Variants in TFDP2 observed in about 807,000 individuals in gnomAD.
TFDP2 encodes the protein transcription factor Dp-2 (E2F dimerization partner 2).
TFDP2 carries 17 observed loss-of-function variants against 59.3 expected under a neutral mutation model. The observed-to-expected ratio is 0.29, with a 90% CI of 0.20 to 0.43. The LOEUF is 0.43. Ranked by LOEUF, TFDP2 falls within the 20% of genes least tolerant of loss-of-function variation. The probability of loss-of-function intolerance (pLI) is 1.00; values close to 1 mark genes in which losing one functional copy is unlikely to be tolerated. For missense variants in TFDP2, 391 were observed against 528.8 expected (o/e 0.74, Z 2.56); for synonymous variants, 180 against 194.7 (o/e 0.92, Z 0.63).
chr3:141,985,726 T>C (rs1489953237), intron 6 of TFDP2, among the ~76,000 whole-genome samples: 1 of 151,904 alleles, frequency 6.6e-6, no homozygotes, highest in East Asian at 1.9e-4. Flanking sequence ...TTTAGATATA[T>C]GACACAAAAG....
intron 3 of TFDP2, among the ~76,000 whole-genome samples, chr3:142,064,023 G>C (rs2059999121): frequency 6.6e-6 from 1 of 152,000 alleles, no homozygotes; most frequent in African/African-American, 2.4e-5. Context: ...GTGCAATCTT[G>C]GGTCACTGCA....
At chr3:142,053,858 T>G (rs1309675573) in intron 3 of TFDP2, among the ~76,000 whole-genome samples, 1 of 151,824 alleles carries the variant, frequency 6.6e-6, no homozygotes, top group Non-Finnish European at 1.5e-5. Context: ...CCAAAGAAAA[T>G]ATGCTGATGG....
intron 9 of TFDP2, 138 bp downstream of exon 9, chr3:141,969,935 C>G (rs916897721): frequency 1.3e-6 from 1 of 785,158 alleles, no homozygotes. Context: ...TGGCAACAAG[C>G]TAGGAGGTGA....
intron 3 of TFDP2, chr3:142,043,886 A>C (rs1434119437): frequency 1.9e-5 from 21 of 1,092,018 alleles, no homozygotes; most frequent in Non-Finnish European, 2.8e-5. Flanking sequence ...TTAGATTCAC[A>C]GTATCTTCTA....
At chr3:142,008,302 C>T (rs987470018) in intron 3 of TFDP2, among the ~76,000 whole-genome samples, 2 of 151,958 alleles carry the variant, frequency 1.3e-5, no homozygotes, top group African/African-American at 2.4e-5. Context: ...CTATAACAAA[C>T]CAGTCTTTCA....
At chr3:142,125,033 CG>C (rs1337841304) in intron 1 of TFDP2, among the ~76,000 whole-genome samples, 1 of 150,332 alleles carries the variant, frequency 6.7e-6, no homozygotes, top group Non-Finnish European at 1.5e-5. Flanking sequence ...CCATCTTTAC[CG>C]AAAAAAAAAA....
chr3:142,136,187 T>G (rs1223307615), intron 1 of TFDP2, among the ~76,000 whole-genome samples: 2 of 152,138 alleles, frequency 1.3e-5, no homozygotes, highest in Non-Finnish European at 2.9e-5. Context: ...GTCTGCTGGC[T>G]GCATAGATGT....
At chr3:142,112,830 T>C (rs191901483) in intron 1 of TFDP2, among the ~76,000 whole-genome samples, 1 of 152,152 alleles carries the variant, frequency 6.6e-6, no homozygotes, top group Non-Finnish European at 1.5e-5. Context: ...CAAAACTGGA[T>C]TGACATGTTC....
chr3:141,972,112 G>GTAAAAGTAAA (rs1329809864), intron 8 of TFDP2, among the ~76,000 whole-genome samples: 1 of 152,086 alleles, frequency 6.6e-6, no homozygotes, highest in Non-Finnish European at 1.5e-5. Flanking sequence ...TATCCACCAC[G>GTAAAAGTAAA]TTTTACTTTT....
rs189989956 is a variant in TFDP2, at chr3:142,121,388, T to C, written c.-92-19547A>G. On this transcript the variant is annotated intron_variant, in intron 1 of 12. Transcript: ENST00000489671. The surrounding 1 kb of genome is among the most constrained non-coding windows in gnomAD (Gnocchi z 4.3). ...GACACTAGACAGATATTCGGGGCAC[T>C]ATGGAAGCACAAAGGAACAGCTTCT... Among the ~76,000 whole-genome samples, 1 of 152,270 alleles carries C rather than the reference T, an allele frequency of 6.6e-6. No homozygotes were observed. Among genetic ancestry groups the C allele is most frequent in the East Asian group, 1.9e-4 (1 of 5,180 alleles).
intron 3 of TFDP2, among the ~76,000 whole-genome samples, chr3:142,032,708 G>A (rs537577966): frequency 2.4e-4 from 37 of 152,258 alleles, no homozygotes; most frequent in Middle Eastern, 6.8e-3. Flanking sequence ...ATCAAGAACA[G>A]AAAGTGATTT....
At chr3:142,108,305 GTTCAAGCGATTC>G (rs1350011984) in intron 1 of TFDP2, among the ~76,000 whole-genome samples, 1 of 151,834 alleles carries the variant, frequency 6.6e-6, no homozygotes, top group Non-Finnish European at 1.5e-5. Context: ...TCCCTCCCAG[GTTCAAGCGATTC>G]TTCTGCCTCA....
intron 1 of TFDP2, among the ~76,000 whole-genome samples, chr3:142,131,325 T>C (rs1006550462): frequency 2.7e-5 from 4 of 150,148 alleles, no homozygotes; most frequent in East Asian, 3.9e-4. Context: ...AAAAACTGAC[T>C]ATTTTACAAG....
chr3:142,093,489 T>A (rs2061065075), intron 2 of TFDP2, among the ~76,000 whole-genome samples: 2 of 151,844 alleles, frequency 1.3e-5, no homozygotes, highest in Admixed American at 6.6e-5. Context: ...ATTGTCCAGC[T>A]TAAGATAAAA....
rs113408212 is a variant in TFDP2, at chr3:142,064,719, A to C, written c.82+28342T>G. Among the ~76,000 whole-genome samples the C allele has an allele frequency of 3.4e-3, 513 of 151,136 alleles. 2 individuals are homozygous for C. Among genetic ancestry groups the C allele is most frequent in the African/African-American group, 0.012 (483 of 40,438 alleles). On this transcript the variant is annotated intron_variant, in intron 3 of 12. Transcript: ENST00000489671. The stretch of plus-strand genomic sequence containing the variant: ...AGTGTCACTGGATGTTATCCAATGT[A>C]AAACAACGTCACTGAAAAAAGGGAT...
At chr3:142,093,184 T>C (rs2061053948) in intron 2 of TFDP2, 57 bp from the exon 3 acceptor site, 1 of 1,203,736 alleles carries the variant, frequency 8.3e-7, no homozygotes, top group African/African-American at 1.5e-5. Context: ...TGTGTTCACT[T>C]AACAAGCTAT....
chr3:142,125,644 T>C (rs569695421), intron 1 of TFDP2, among the ~76,000 whole-genome samples: 8 of 152,296 alleles, frequency 5.3e-5, no homozygotes, highest in Admixed American at 5.2e-4. Flanking sequence ...TCATTGTGTA[T>C]TGATATAGAG....
At position 142,078,106 on chromosome 3, in the gene TFDP2, G is replaced by A. The variant is rs138570088; in HGVS notation, c.82+14955C>T. ...GACTCCTCTGCCTGTGGAAAGGGGA[G>A]AGAAGAGTGAGAAGGACTTTGTCTT... is the stretch of plus-strand genomic sequence containing the variant. On this transcript the variant is annotated intron_variant, in intron 3 of 12. Coordinates refer to ENST00000489671, the MANE Select transcript of TFDP2 (RefSeq NM_001178139.2). 9.0e-4 allele frequency among the ~76,000 whole-genome samples: 137 copies of A among 152,304 alleles called. 1 individual carries two copies. Among genetic ancestry groups the A allele is most frequent in the African/African-American group, 3.2e-3 (133 of 41,556 alleles).
chr3:142,143,248 A>G (rs1375907037), intron 1 of TFDP2, among the ~76,000 whole-genome samples: 1 of 152,144 alleles, frequency 6.6e-6, no homozygotes. Flanking sequence ...AAAAAAAATC[A>G]AATCAAAATG....
Sources: gnomAD v4.1 joint callset for allele counts (sites outside exome capture counted in the v4.1 genomes callset) on GRCh38, gnomAD v4.1.1 for gene constraint, Gnocchi (gnomAD v3.1) non-coding constraint, MANE v1.5 for transcripts, NCBI Gene and HGNC (gene_info 2026-07-23, HGNC 2026-07-21) for gene names.